Variants in LTBP2 observed in about 807,000 individuals in gnomAD.
LTBP2 encodes latent transforming growth factor beta binding protein 2, also known as latent-transforming growth factor beta-binding protein 2.
LTBP2 carries 103 observed loss-of-function variants against 210.6 expected under a neutral mutation model. The observed-to-expected ratio is 0.49, with a 90% confidence interval of 0.42 to 0.58. The LOEUF (loss-of-function observed/expected upper bound fraction) is 0.58. Ranked by LOEUF, LTBP2 falls within the 20% of genes least tolerant of loss-of-function variation. The pLI is 0.00. For missense variants in LTBP2, 2,313 were observed against 2,494.5 expected, an observed-to-expected ratio of 0.93 and a Z score of 1.55; for synonymous variants, 1,007 against 1,015.0, an observed-to-expected ratio of 0.99 and a Z score of 0.15.
rs769913002 is a variant in LTBP2 at position 74,526,131 on chromosome 14, G to T, written c.2389-17C>A. The stretch of plus-strand genomic sequence containing the variant: ...GGTCGTGACCTGCACAGAAACAGGA[G>T]AAGGTCACTTTTGGCTCCTCTGCCG... On this transcript the variant is annotated splice_polypyrimidine_tract_variant and intron_variant, in intron 13 of 35. Coordinates refer to ENST00000261978, the MANE Select transcript of LTBP2 (RefSeq NM_000428.3). The T allele has an allele frequency of 6.3e-7, 1 of 1,593,658 alleles. No homozygotes were observed. The highest frequency in any genetic ancestry group is 8.6e-7 in the Non-Finnish European group (1 of 1,169,214).
chr14:74,589,092 C>T (rs1008023363), intron 2 of LTBP2, among the ~76,000 whole-genome samples: 10 of 152,142 alleles, frequency 6.6e-5, no homozygotes, highest in African/African-American at 2.4e-4. Flanking sequence ...AGTGGAGACC[C>T]CAGGACCACA....
At chr14:74,551,562 C>CT (rs2087656925) in intron 6 of LTBP2, among the ~76,000 whole-genome samples, 1 of 152,182 alleles carries the variant, frequency 6.6e-6, no homozygotes, top group Non-Finnish European at 1.5e-5. Flanking sequence ...CTGAAGGAGC[C>CT]TCATTATCAC....
intron 10 of LTBP2, 75 bp from the exon 11 acceptor site, chr14:74,529,197 T>G (rs1464915850): frequency 1.3e-6 from 2 of 1,520,294 alleles, no homozygotes; most frequent in Non-Finnish European, 1.8e-6. Flanking sequence ...GGGCAGTGGA[T>G]GGAGGTGTGG....
chr14:74,576,499 A>G (rs1334558057), intron 3 of LTBP2, among the ~76,000 whole-genome samples: 1 of 152,174 alleles, frequency 6.6e-6, no homozygotes, highest in East Asian at 1.9e-4. Context: ...CTGTGGAAAT[A>G]AAAAGTGAGC....
intron 24 of LTBP2, 114 bp from the exon 25 acceptor site, chr14:74,508,209 T>G (rs1458219073): frequency 2.2e-6 from 3 of 1,363,616 alleles, no homozygotes; most frequent in African/African-American, 2.9e-5. Context: ...GAGTGGCTTA[T>G]GTAGGAAAAG....
At chr14:74,554,961 C>T (rs1263780794) in intron 4 of LTBP2, among the ~76,000 whole-genome samples, 7 of 150,632 alleles carry the variant, frequency 4.6e-5, no homozygotes, top group African/African-American at 1.7e-4. Flanking sequence ...TGGATGGGGC[C>T]TCGGGAAAGG....
chr14:74,555,572 C>T lies in LTBP2; in HGVS notation c.952G>A (p.Gly318Arg). Residue 318 changes from glycine (G) to arginine (R), a missense_variant, in exon 4 of 36, where the codon GGA (glycine) becomes AGA (arginine). Coordinates refer to ENST00000261978, the MANE Select transcript of LTBP2 (RefSeq NM_000428.3). ...SQLSSNALPP[G>R]PGLEQRDGTQ... ...CCATCTCTCTGCTCAAGGCCTGGTC[C>T]CGGGGGCAGGGCGTTGGAAGAGAGC... 6.2e-7 allele frequency: 1 copy of T among 1,612,504 alleles called. No homozygotes were observed. Among genetic ancestry groups the T allele is most frequent in the Non-Finnish European group, 8.5e-7 (1 of 1,179,098 alleles).
chr14:74,555,814 AC>A, intron 3 of LTBP2, 121 bp from the exon 4 acceptor site: 1 of 665,722 alleles, frequency 1.5e-6, no homozygotes, highest in Non-Finnish European at 2.3e-6. Context: ...CTGCCTTCTC[AC>A]CCATGTATGG....
rs200772274 is a variant in LTBP2 at position 74,501,538 on chromosome 14, G to C, written c.5223C>G (p.Asn1741Lys). ...GCACACAGCGGCCATTCTCACAGCC[G>C]TTCAGGATGCCGCACTCCTCCGCCT... Reference protein sequence around the residue: ...GLQAEECGILNGCENGRCVRV... With the variant: ...GLQAEECGILKGCENGRCVRV... Residue 1741 changes from asparagine to lysine, a missense_variant, in exon 35 of 36, where the codon AAC becomes AAG. By Grantham distance (94) the Asn-to-Lys change is moderately conservative. Around this residue, in one of 3 missense-constraint regions of LTBP2, gnomAD observed 443 missense variants for 501.4 expected, o/e 0.88. Transcript: ENST00000261978. The C allele has an allele frequency of 6.2e-7, 1 of 1,614,162 alleles. No individual in the cohort carries two copies.
In LTBP2 at chr14:74,508,933, G is replaced by A; in HGVS notation, c.3423C>T (p.Asp1141=). 1 of 1,613,668 alleles carries A rather than the reference G, an allele frequency of 6.2e-7. No homozygotes were observed. Among genetic ancestry groups the A allele is most frequent in the Non-Finnish European group, 8.5e-7 (1 of 1,179,968 alleles). The change falls in exon 23 of 36, where the codon GAC becomes GAT. Residue 1141 remains aspartate (D), a synonymous_variant. Transcript: ENST00000261978. The part of the protein sequence containing the change: ...DSCEDVDECE[D]PQSSCLGGEC... ...CGCCTCCCAGGCAGCTGCTCTGGGG[G>A]TCTTCACATTCATCCACATCTGCAG...
chr14:74,549,570 G>A (rs1292890320), intron 8 of LTBP2, among the ~76,000 whole-genome samples: 1 of 152,240 alleles, frequency 6.6e-6, no homozygotes, highest in African/African-American at 2.4e-5. Context: ...GGAGGGGTGT[G>A]CAGGGGAACA....
intron 8 of LTBP2, among the ~76,000 whole-genome samples, chr14:74,542,078 C>G (rs1166683498): frequency 6.6e-6 from 1 of 152,286 alleles, no homozygotes; most frequent in East Asian, 1.9e-4. Flanking sequence ...CTTGGGAAAG[C>G]CAAAGCAGCT....
rs913416987 is a variant in LTBP2 at position 74,511,479 on chromosome 14, G to A, written c.2909-115C>T. On this transcript the variant is annotated intron_variant, in intron 18 of 35. Coordinates refer to ENST00000261978, the MANE Select transcript of LTBP2 (RefSeq NM_000428.3). ...GGTTGGGGAGAGGGATGGACAGAGG[G>A]AAACTAGGAAAGAATGAGAGCTGCC... 1.1e-5 allele frequency: 15 copies of A among 1,323,200 alleles called. No homozygotes were observed. In the East Asian group the frequency reaches 2.6e-4, roughly 23 times the overall value. 82.0% of individuals were successfully genotyped at this position (1,323,200 alleles called of 1,614,324 possible). A position where few individuals can be genotyped will look rare whatever the true frequency, so the allele number is the denominator to read the frequency against.
intron 8 of LTBP2, among the ~76,000 whole-genome samples, chr14:74,540,841 A>ATATATATATTTGTATATAATATATATATT (rs2087491588): frequency 3.3e-5 from 1 of 30,230 alleles, no homozygotes; most frequent in African/African-American, 6.6e-5. Flanking sequence ...ATATATATTT[A>ATATATATATTTGTATATAATATATATATT]TATATATTAT....
chr14:74,587,289 T>C (rs1232318393), intron 2 of LTBP2, among the ~76,000 whole-genome samples: 1 of 152,050 alleles, frequency 6.6e-6, no homozygotes, highest in East Asian at 1.9e-4. Flanking sequence ...TGTCAGGCAC[T>C]GGGACAAAGT....
At chr14:74,529,811 G>C (rs1319646236) in intron 10 of LTBP2, among the ~76,000 whole-genome samples, 5 of 152,212 alleles carry the variant, frequency 3.3e-5, no homozygotes, top group Admixed American at 1.3e-4. Context: ...AATAGTTTCT[G>C]TATGTTATCT....
At chr14:74,588,331 C>T (rs2088236611) in intron 2 of LTBP2, among the ~76,000 whole-genome samples, 2 of 152,154 alleles carry the variant, frequency 1.3e-5, no homozygotes, top group Non-Finnish European at 2.9e-5. Context: ...AAGTGATTCT[C>T]CTGCCTCAGC....
intron 3 of LTBP2, among the ~76,000 whole-genome samples, chr14:74,565,257 A>G (rs1324948551): frequency 1.3e-5 from 2 of 152,176 alleles, no homozygotes; most frequent in African/African-American, 4.8e-5. Context: ...ACCCTAGCAA[A>G]GGTGAGGGGG....
chr14:74,555,434 G>A, intron 4 of LTBP2, 69 bp downstream of exon 4: 1 of 1,540,852 alleles, frequency 6.5e-7, no homozygotes, highest in Non-Finnish European at 8.9e-7. Flanking sequence ...AGCAGAGGGG[G>A]AAGCCAAGGT....
Sources: gnomAD v4.1 joint callset for allele counts (sites outside exome capture counted in the v4.1 genomes callset) on GRCh38, gnomAD v4.1.1 for gene constraint, gnomAD v4.1.1 regional missense constraint, MANE v1.5 for transcripts, NCBI Gene and HGNC (gene_info 2026-07-23, HGNC 2026-07-21) for gene names.